The following ALPK2 variants were observed in gnomAD, a reference collection of about 807,000 sequenced individuals.
ALPK2 encodes alpha-protein kinase 2.
A neutral mutation model predicts 163.1 loss-of-function variants in ALPK2; 127 were observed. That is an observed-to-expected ratio of 0.78 (90% CI 0.67 to 0.90). The LOEUF is 0.90. Among genes scored for constraint, ALPK2 ranks in the 40% least tolerant of loss-of-function variants. ALPK2 has a pLI of 0.00. For missense variants in ALPK2, 2,360 were observed against 2,589.6 expected, an observed-to-expected ratio of 0.91 and a Z score of 1.92; for synonymous variants, 953 against 959.1, an observed-to-expected ratio of 0.99 and a Z score of 0.12.
chr18:58,534,150 CTT>C lies in ALPK2; in HGVS notation c.5353+682_5353+683del, dbSNP rs10714071. Among the ~76,000 whole-genome samples, 329 of 145,532 alleles carry C rather than the reference CTT, an allele frequency of 2.3e-3. 1 individual carries two copies. The highest frequency in any genetic ancestry group is 7.2e-3 in the Middle Eastern group (2 of 276). ...AGTAGAATTAACTGCAATTTCAGGA[CTT>C]TTTTTTTTTTTTTAACAGCATCATA... On this transcript the variant is annotated intron_variant, in intron 5 of 12. Coordinates refer to ENST00000361673, the MANE Select transcript of ALPK2 (RefSeq NM_052947.4).
intron 3 of ALPK2, among the ~76,000 whole-genome samples, chr18:58,595,447 T>A (rs1379780448): frequency 6.6e-6 from 1 of 152,166 alleles, no homozygotes; most frequent in Admixed American, 6.5e-5. Context: ...AGGATACATC[T>A]TAATAGATTT....
At chr18:58,559,305 C>T (rs753162976) in intron 4 of ALPK2, among the ~76,000 whole-genome samples, 9 of 152,138 alleles carry the variant, frequency 5.9e-5, no homozygotes, top group Non-Finnish European at 1.2e-4. Flanking sequence ...AACCCACAGG[C>T]AGCTGCCCGG....
chr18:58,491,040 G>A (rs1318637144), intron 12 of ALPK2, among the ~76,000 whole-genome samples: 1 of 152,300 alleles, frequency 6.6e-6, no homozygotes, highest in Non-Finnish European at 1.5e-5. Flanking sequence ...CCTGAGATTC[G>A]CCCACTGTCC....
chr18:58,499,424 C>G (rs1336896585), intron 11 of ALPK2, among the ~76,000 whole-genome samples: 1 of 152,188 alleles, frequency 6.6e-6, no homozygotes, highest in Non-Finnish European at 1.5e-5. Flanking sequence ...CACTCTACCC[C>G]CAGTCTCAGC....
chr18:58,489,186 T>C (rs1192460091), intron 12 of ALPK2, among the ~76,000 whole-genome samples: 1 of 151,958 alleles, frequency 6.6e-6, no homozygotes, highest in Non-Finnish European at 1.5e-5. Context: ...GGGAACAACA[T>C]GGTAAGGTTC....
At chr18:58,550,798 A>C (rs532032163) in intron 4 of ALPK2, among the ~76,000 whole-genome samples, 55 of 147,442 alleles carry the variant, frequency 3.7e-4, no homozygotes, top group African/African-American at 1.3e-3. Context: ...CATCTCCATC[A>C]CATACAACCT....
At position 58,481,697 on chromosome 18, in the gene ALPK2, A is replaced by G; in HGVS notation, c.*126T>C. The G allele has an allele frequency of 1.4e-6, 1 of 733,120 alleles. No homozygotes were observed. Among genetic ancestry groups the G allele is most frequent in the Non-Finnish European group, 2.3e-6 (1 of 430,304 alleles). 45.4% of individuals were successfully genotyped at this position (733,120 alleles called of 1,614,324 possible). On this transcript the variant is annotated 3_prime_UTR_variant, in exon 13 of 13. Transcript: ENST00000361673. ...TGGGTTTAGAAGCATCTTGGCGCAC[A>G]GTCGGCTGGGAGTAAGGATTGCCAC...
chr18:58,583,897 G>C, intron 3 of ALPK2, among the ~76,000 whole-genome samples: 1 of 152,096 alleles, frequency 6.6e-6, no homozygotes, highest in South Asian at 2.1e-4. Flanking sequence ...ACCATGACTT[G>C]TGTAGAAGAG....
Position 58,498,091 on chromosome 18 carries a change from C to G in ALPK2, c.6254G>C (p.Gly2085Ala). 1 of 1,614,116 alleles carries G rather than the reference C, an allele frequency of 6.2e-7. No homozygotes were observed. The part of the protein sequence containing the change: ...CLLVTDMQGV[G>A]MKLTDVGIAT... Reference sequence around the variant, plus strand: ...TATGCCAACGTCAGTTAGCTTCATTCCTACACCTACAGGAAGAGAAAGCAA... The same window carrying G: ...TATGCCAACGTCAGTTAGCTTCATTGCTACACCTACAGGAAGAGAAAGCAA... Residue 2085 changes from glycine to alanine, a missense_variant, in exon 12 of 13, where the codon GGA becomes GCA. Transcript: ENST00000361673.
rs547777854 is a variant in ALPK2 at position 58,622,712 on chromosome 18, G to A, written c.-21+6052C>T. On this transcript the variant is annotated intron_variant, in intron 1 of 12. Transcript: ENST00000361673. ...ACTGCTCTGTCCAGTCTAGGAATGT[G>A]TCGTCAATGTCATCACAAACATTTC... is the stretch of plus-strand genomic sequence containing the variant. 1.3e-4 allele frequency among the ~76,000 whole-genome samples: 20 copies of A among 152,302 alleles called. No individual in the cohort carries two copies. The South Asian group carries it at 1.9e-3, about 14-fold the overall frequency.
rs550066906 is a variant in ALPK2, at chr18:58,623,122, C to T, written c.-21+5642G>A. 4.1e-4 allele frequency among the ~76,000 whole-genome samples: 62 copies of T among 152,102 alleles called. 1 individual carries two copies. The highest frequency in any genetic ancestry group is 2.1e-4 in the South Asian group (1 of 4,826). On this transcript the variant is annotated intron_variant, in intron 1 of 12. Coordinates refer to ENST00000361673, the MANE Select transcript of ALPK2 (RefSeq NM_052947.4). ...CAGTGGTGTGAGGACAGGGAAGTTT[C>T]GCAGGAGAGTGGTAGTCTGATCTCT...
At chr18:58,616,295 C>T (rs2052167869) in intron 1 of ALPK2, among the ~76,000 whole-genome samples, 1 of 152,142 alleles carries the variant, frequency 6.6e-6, no homozygotes, top group African/African-American at 2.4e-5. Context: ...GCACTTTTGG[C>T]CTTGGGAAAC....
chr18:58,614,324 T>C (rs1310885490), intron 1 of ALPK2, among the ~76,000 whole-genome samples: 6 of 152,234 alleles, frequency 3.9e-5, no homozygotes, highest in Non-Finnish European at 8.8e-5. Context: ...ATTGTGATTG[T>C]GAATTGGGTC....
chr18:58,519,360 G>A (rs1455732902), intron 8 of ALPK2, among the ~76,000 whole-genome samples: 2 of 152,074 alleles, frequency 1.3e-5, no homozygotes, highest in Non-Finnish European at 2.9e-5. Context: ...CAGAGTATAG[G>A]AAATGTTATA....
chr18:58,489,645 A>T (rs2051361803), intron 12 of ALPK2, among the ~76,000 whole-genome samples: 1 of 151,630 alleles, frequency 6.6e-6, no homozygotes, highest in Admixed American at 6.6e-5. Flanking sequence ...CATGATCAGG[A>T]CTCTACATTC....
chr18:58,592,821 G>A (rs374978983), intron 3 of ALPK2, among the ~76,000 whole-genome samples: 55 of 152,226 alleles, frequency 3.6e-4, no homozygotes, highest in African/African-American at 1.0e-3. Context: ...GCTCCGCAGC[G>A]TTGGAGAAGC....
chr18:58,579,473 G>A lies in ALPK2; in HGVS notation c.1303C>T (p.Pro435Ser), dbSNP rs965586601. Residue 435 changes from proline (P) to serine (S), a missense_variant, in exon 4 of 13, where the codon CCT becomes TCT. Transcript: ENST00000361673. ...PQTGMTLILGPHQDGTSSVTE... is the reference protein window; with the variant it reads ...PQTGMTLILGSHQDGTSSVTE... ...ACTGAAGACGTTCCATCCTGGTGAG[G>A]TCCCAAAATGAGAGTCATCCCTGTT... The A allele has an allele frequency of 4.3e-6, 7 of 1,614,012 alleles. No individual in the cohort carries two copies. Among genetic ancestry groups the A allele is most frequent in the Non-Finnish European group, 5.9e-6 (7 of 1,180,016 alleles).
At chr18:58,592,573 G>C (rs1185647596) in intron 3 of ALPK2, among the ~76,000 whole-genome samples, 2 of 152,220 alleles carry the variant, frequency 1.3e-5, no homozygotes, top group East Asian at 3.8e-4. Flanking sequence ...GGTAGGGCTG[G>C]GGGAGAGGGC....
chr18:58,607,442 G>T lies in ALPK2; in HGVS notation c.110-3C>A, dbSNP rs761521597. ...AGTTACCTCTGGCTTGGGCTGACCT[G>T]ACAATAAAGAAAGAAAAGTATCCTT... On this transcript the variant is annotated splice_region_variant and splice_polypyrimidine_tract_variant and intron_variant, in intron 2 of 12. Transcript: ENST00000361673. 1 of 1,565,730 alleles carries T rather than the reference G, an allele frequency of 6.4e-7. No homozygotes were observed. The highest frequency in any genetic ancestry group is 8.7e-7 in the Non-Finnish European group (1 of 1,154,952).
Sources: allele counts gnomAD v4.1 joint callset (sites outside exome capture counted in the v4.1 genomes callset), GRCh38; gene constraint gnomAD v4.1.1; transcripts MANE v1.5; gene names NCBI Gene and HGNC (gene_info 2026-07-23, HGNC 2026-07-21).